Variants in CNTNAP5 observed in about 807,000 individuals in gnomAD.
CNTNAP5 encodes contactin-associated protein-like 5.
In CNTNAP5, 72 loss-of-function variants were observed where a neutral mutation model predicts 150.2. The observed-to-expected ratio is 0.48, with a 90% CI of 0.40 to 0.58. The LOEUF (loss-of-function observed/expected upper bound fraction) is 0.58, where lower values mean the gene tolerates loss of function less well. Ranked by LOEUF, CNTNAP5 falls within the 20% of genes least tolerant of loss-of-function variation. The probability of loss-of-function intolerance (pLI) is 0.00; values close to 1 mark genes in which losing one functional copy is unlikely to be tolerated. For missense variants in CNTNAP5, 1,636 were observed against 1,626.2 expected (o/e 1.01, Z -0.10); for synonymous variants, 672 against 619.8 (o/e 1.08, Z -1.25).
intron 1 of CNTNAP5, among the ~76,000 whole-genome samples, chr2:124,047,348 A>G (rs1264268862): frequency 6.6e-6 from 1 of 152,262 alleles, no homozygotes; most frequent in Non-Finnish European, 1.5e-5. Context: ...TCCTTATTTT[A>G]CAGAGGAGAA....
chr2:124,244,599 G>C (rs1323453161), intron 3 of CNTNAP5, among the ~76,000 whole-genome samples: 2 of 152,084 alleles, frequency 1.3e-5, no homozygotes, highest in African/African-American at 4.8e-5. Flanking sequence ...GCAGCTTCAG[G>C]AGCAGCCTTT....
At chr2:124,378,962 GCTAT>G (rs1188530571) in intron 3 of CNTNAP5, among the ~76,000 whole-genome samples, 1 of 151,954 alleles carries the variant, frequency 6.6e-6, no homozygotes, top group Non-Finnish European at 1.5e-5. Context: ...TATGGCTACT[GCTAT>G]CTTTTTTTCT....
chr2:124,090,723 A>G (rs964202332), intron 1 of CNTNAP5, among the ~76,000 whole-genome samples: 9 of 152,360 alleles, frequency 5.9e-5, no homozygotes, highest in African/African-American at 2.2e-4. Context: ...CTACCATTGT[A>G]TTAGCCATGA....
chr2:124,138,177 T>C (rs1439656682), intron 1 of CNTNAP5, among the ~76,000 whole-genome samples: 2 of 152,162 alleles, frequency 1.3e-5, no homozygotes, highest in Non-Finnish European at 2.9e-5. Context: ...GTGTATGTGA[T>C]GAGACTCAGG....
intron 11 of CNTNAP5, among the ~76,000 whole-genome samples, chr2:124,575,537 C>A (rs1696264052): frequency 6.6e-6 from 1 of 152,158 alleles, no homozygotes; most frequent in South Asian, 2.1e-4. Context: ...TTTTTCTTAT[C>A]TTTCCAGTAT....
chr2:124,848,496 TG>T (rs1280018117), intron 19 of CNTNAP5, among the ~76,000 whole-genome samples: 1 of 152,194 alleles, frequency 6.6e-6, no homozygotes, highest in East Asian at 1.9e-4. Flanking sequence ...TTTGAGGTAC[TG>T]ATTTCTGGAT....
chr2:124,839,746 C>T (rs1161325234), intron 19 of CNTNAP5, among the ~76,000 whole-genome samples: 2 of 152,110 alleles, frequency 1.3e-5, no homozygotes, highest in South Asian at 2.1e-4. Context: ...TGACCCAGCC[C>T]GGCTGTACGT....
chr2:124,865,815 A>C (rs112780789), intron 20 of CNTNAP5, among the ~76,000 whole-genome samples: 4,980 of 151,544 alleles, frequency 0.033, 136 homozygotes, highest in Non-Finnish European at 0.051. Context: ...GTGGTGGCAC[A>C]CACTTGTAGT....
chr2:124,356,306 CTTTT>C (rs201900685), intron 3 of CNTNAP5, among the ~76,000 whole-genome samples: 2 of 140,018 alleles, frequency 1.4e-5, no homozygotes, highest in African/African-American at 2.6e-5. Flanking sequence ...ACCTCAACAT[CTTTT>C]TTTTTTTTTT....
intron 10 of CNTNAP5, among the ~76,000 whole-genome samples, chr2:124,539,302 T>C (rs11123050): frequency 0.42 from 63,467 of 152,080 alleles, 13,737 homozygotes; most frequent in East Asian, 0.64. Context: ...GTGACATGGA[T>C]TTCTGAAGGC....
intron 20 of CNTNAP5, among the ~76,000 whole-genome samples, chr2:124,868,891 G>T (rs1677686757): frequency 6.6e-6 from 1 of 152,154 alleles, no homozygotes; most frequent in Non-Finnish European, 1.5e-5. Context: ...TGCATAGTCA[G>T]AGTAGAGCCT....
intron 1 of CNTNAP5, among the ~76,000 whole-genome samples, chr2:124,158,604 A>C (rs976856594): frequency 6.6e-6 from 1 of 152,114 alleles, no homozygotes; most frequent in Non-Finnish European, 1.5e-5. Flanking sequence ...TGGAGGGCTG[A>C]CTCTATTTAC....
At chr2:124,175,677 G>A (rs958703902) in intron 1 of CNTNAP5, among the ~76,000 whole-genome samples, 1 of 152,112 alleles carries the variant, frequency 6.6e-6, no homozygotes, top group African/African-American at 2.4e-5. Context: ...GTGAGAATAC[G>A]CAGTATTTGG....
chr2:124,276,736 C>T (rs1429877130), intron 3 of CNTNAP5, among the ~76,000 whole-genome samples: 7 of 152,024 alleles, frequency 4.6e-5, no homozygotes, highest in Middle Eastern at 3.2e-3. Flanking sequence ...TTCATTTGGG[C>T]GTTATTTTTA....
intron 19 of CNTNAP5, among the ~76,000 whole-genome samples, chr2:124,860,473 TTCCTTCC>T (rs1677496388): frequency 2.2e-5 from 2 of 91,080 alleles, no homozygotes; most frequent in Admixed American, 1.1e-4. Context: ...CCTTCCTTCC[TTCCTTCC>T]TTCCTTCCTT....
rs1683203593 is a variant in CNTNAP5 at position 124,107,891 on chromosome 2, G to C, written c.82+82159G>C. ...ATCAATATATGTAAGATGTGCATTG[G>C]TTCTGTCTGGTAGCTGGGACAACTT... is the stretch of plus-strand genomic sequence containing the variant. On this transcript the variant is annotated intron_variant, in intron 1 of 23. Coordinates refer to ENST00000682447, the MANE Select transcript of CNTNAP5 (RefSeq NM_001367498.1). Among the ~76,000 whole-genome samples, 5 of 152,298 alleles carry C rather than the reference G, an allele frequency of 3.3e-5. No individual in the cohort carries two copies. In the South Asian group the frequency reaches 1.0e-3, roughly 32 times the overall value.
At chr2:124,365,223 G>A (rs565926294) in intron 3 of CNTNAP5, among the ~76,000 whole-genome samples, 168 of 151,924 alleles carry the variant, frequency 1.1e-3, no homozygotes, top group Non-Finnish European at 1.6e-3. Flanking sequence ...GACTGAGATG[G>A]GAGGTCCGCT....
intron 1 of CNTNAP5, among the ~76,000 whole-genome samples, chr2:124,061,194 T>G (rs1306071556): frequency 1.3e-5 from 2 of 152,222 alleles, no homozygotes; most frequent in Non-Finnish European, 2.9e-5. Flanking sequence ...GTATTTGCCT[T>G]GTTACTGCAT....
At position 124,792,204 on chromosome 2, in the gene CNTNAP5, G is replaced by A. The variant is rs114234420; in HGVS notation, c.2992+2063G>A. ...CATTACCAATTCCTAGGTCAGAACTGTGTTTCATTGGCGATTTTTCCGTTT... is the reference window on the plus strand; with the variant it reads ...CATTACCAATTCCTAGGTCAGAACTATGTTTCATTGGCGATTTTTCCGTTT... On this transcript the variant is annotated intron_variant, in intron 18 of 23. Coordinates refer to ENST00000682447, the MANE Select transcript of CNTNAP5 (RefSeq NM_001367498.1). 2.3e-3 allele frequency among the ~76,000 whole-genome samples: 355 copies of A among 152,284 alleles called. 5 individuals are homozygous for A. The highest frequency in any genetic ancestry group is 7.6e-3 in the African/African-American group (315 of 41,572).
Sources: gnomAD v4.1 joint callset for allele counts (sites outside exome capture counted in the v4.1 genomes callset) on GRCh38, gnomAD v4.1.1 for gene constraint, MANE v1.5 for transcripts, NCBI Gene and HGNC (gene_info 2026-07-23, HGNC 2026-07-21) for gene names.